The following ADCY2 variants were observed in gnomAD, a reference collection of about 807,000 sequenced individuals.
ADCY2 encodes adenylate cyclase type 2.
In ADCY2, 31 loss-of-function variants were observed where a neutral mutation model predicts 125.2. The observed-to-expected ratio is 0.25, with a 90% CI of 0.19 to 0.33. The LOEUF (loss-of-function observed/expected upper bound fraction) is 0.33, where lower values mean the gene tolerates loss of function less well. Among genes scored for constraint, ADCY2 ranks in the 10% least tolerant of loss-of-function variants. The pLI is 1.00. For synonymous variants in ADCY2, 512 were observed against 548.4 expected, an observed-to-expected ratio of 0.93 and a Z score of 0.93; for missense variants, 904 against 1,418.2, an observed-to-expected ratio of 0.64 and a Z score of 5.82.
chr5:7,780,567 C>G (rs1259338021), intron 18 of ADCY2, among the ~76,000 whole-genome samples: 1 of 152,154 alleles, frequency 6.6e-6, no homozygotes, highest in Non-Finnish European at 1.5e-5. Context: ...CCTCAGTGAT[C>G]AGTGAACCGA....
chr5:7,465,953 T>C (rs1166728128), intron 2 of ADCY2, among the ~76,000 whole-genome samples: 2 of 152,216 alleles, frequency 1.3e-5, no homozygotes, highest in African/African-American at 2.4e-5. Context: ...TTCATTGATA[T>C]GTCATTGGAG....
In ADCY2 at chr5:7,482,767, GAT is replaced by G. The variant is rs140354609; in HGVS notation, c.409-37947_409-37946del. Among the ~76,000 whole-genome samples the G allele has an allele frequency of 6.3e-3, 746 of 119,342 alleles. 6 individuals carry two copies. Among genetic ancestry groups the G allele is most frequent in the Admixed American group, 0.011 (117 of 10,622 alleles). 78.3% of individuals were successfully genotyped at this position (119,342 alleles called of 152,430 possible). A position where few individuals can be genotyped will look rare whatever the true frequency, so the allele number is the denominator to read the frequency against. ...GCTGATGAATGGATAAAGAAAATGT[GAT>G]ATATATATATATATATATATATACA... On this transcript the variant is annotated intron_variant, in intron 2 of 24. Transcript: ENST00000338316.
At chr5:7,432,530 C>G (rs1314522402) in intron 2 of ADCY2, among the ~76,000 whole-genome samples, 1 of 152,188 alleles carries the variant, frequency 6.6e-6, no homozygotes, top group South Asian at 2.1e-4. Flanking sequence ...CCTTCGTGCT[C>G]CATCCCACGA....
chr5:7,457,943 C>T (rs965842944), intron 2 of ADCY2, among the ~76,000 whole-genome samples: 1 of 152,104 alleles, frequency 6.6e-6, no homozygotes, highest in East Asian at 1.9e-4. Flanking sequence ...AAGTAGAATC[C>T]AGTACAAATA....
At chr5:7,550,306 A>G (rs1458552684) in intron 3 of ADCY2, among the ~76,000 whole-genome samples, 1 of 152,200 alleles carries the variant, frequency 6.6e-6, no homozygotes, top group Non-Finnish European at 1.5e-5. Context: ...ATTACTGAGA[A>G]AGTTAACCAT....
intron 2 of ADCY2, among the ~76,000 whole-genome samples, chr5:7,424,280 C>T (rs1740312208): frequency 1.3e-5 from 2 of 152,258 alleles, no homozygotes. Flanking sequence ...CATGTGGTTA[C>T]TTTGCATACA....
At chr5:7,665,453 GGCATCGAAA>G (rs1196002944) in intron 4 of ADCY2, among the ~76,000 whole-genome samples, 1 of 152,152 alleles carries the variant, frequency 6.6e-6, no homozygotes, top group Non-Finnish European at 1.5e-5. Context: ...CAGACACTGA[GGCATCGAAA>G]GCAGAAAGTA....
chr5:7,743,612 T>C, intron 14 of ADCY2, 56 bp from the exon 15 acceptor site: 1 of 1,525,584 alleles, frequency 6.6e-7, no homozygotes, highest in Non-Finnish European at 9.1e-7. Flanking sequence ...CTGGTAGCTT[T>C]CCAGAATGAG....
At chr5:7,585,883 C>T (rs578042015) in intron 3 of ADCY2, among the ~76,000 whole-genome samples, 10 of 152,202 alleles carry the variant, frequency 6.6e-5, no homozygotes, top group Non-Finnish European at 1.0e-4. Flanking sequence ...TTAACTTACT[C>T]GACAGCAGTC....
intron 4 of ADCY2, among the ~76,000 whole-genome samples, chr5:7,689,025 G>T (rs967422590): frequency 6.6e-6 from 1 of 152,204 alleles, no homozygotes; most frequent in Admixed American, 6.5e-5. Flanking sequence ...ATATAAAGAT[G>T]ATGAAAGCTA....
At chr5:7,660,194 AAAAG>A (rs558530851) in intron 4 of ADCY2, among the ~76,000 whole-genome samples, 2 of 148,120 alleles carry the variant, frequency 1.4e-5, no homozygotes, top group African/African-American at 2.5e-5. Flanking sequence ...ATAAAAGTGG[AAAAG>A]AAAGAAAGAA....
At chr5:7,517,911 A>G (rs912517538) in intron 2 of ADCY2, among the ~76,000 whole-genome samples, 1 of 152,222 alleles carries the variant, frequency 6.6e-6, no homozygotes, top group Admixed American at 6.5e-5. Flanking sequence ...TAATCATAAA[A>G]GAGAGGTTCT....
chr5:7,421,706 C>T (rs1224447967), intron 2 of ADCY2, among the ~76,000 whole-genome samples: 2 of 152,186 alleles, frequency 1.3e-5, no homozygotes, highest in African/African-American at 4.8e-5. Context: ...GAGTGCTGCT[C>T]TGAGGTTCAC....
intron 1 of ADCY2, among the ~76,000 whole-genome samples, chr5:7,405,066 T>C (rs1739423655): frequency 6.6e-6 from 1 of 152,182 alleles, no homozygotes; most frequent in Non-Finnish European, 1.5e-5. Context: ...ACTGTATTGA[T>C]TGAGGCACCG....
intron 2 of ADCY2, among the ~76,000 whole-genome samples, chr5:7,492,008 A>G (rs771597338): frequency 1.3e-4 from 20 of 152,208 alleles, no homozygotes; most frequent in Non-Finnish European, 4.4e-5. Flanking sequence ...GCCCTGAAAG[A>G]GCACAGGTGT....
intron 5 of ADCY2, among the ~76,000 whole-genome samples, chr5:7,693,501 C>T (rs1471783273): frequency 2.0e-5 from 3 of 149,536 alleles, no homozygotes; most frequent in African/African-American, 7.4e-5. Context: ...TCACTGCAAC[C>T]TCCGCCTGCC....
rs60609108 is a variant in ADCY2 at position 7,539,515 on chromosome 5, C to T, written c.570+18616C>T. On this transcript the variant is annotated intron_variant, in intron 3 of 24. Coordinates refer to ENST00000338316, the MANE Select transcript of ADCY2 (RefSeq NM_020546.3). ...ATTAGCCATAGTCAAGTCATGCATA[C>T]TGTACCAGATTCTGCATTTAGAACC... is the stretch of plus-strand genomic sequence containing the variant. 1.2e-3 allele frequency among the ~76,000 whole-genome samples: 183 copies of T among 152,314 alleles called. 3 individuals are homozygous for T. Among genetic ancestry groups the T allele is most frequent in the Middle Eastern group, 6.8e-3 (2 of 294 alleles).
At position 7,524,568 on chromosome 5, in the gene ADCY2, T is replaced by C. The variant is rs182547264; in HGVS notation, c.570+3669T>C. Reference sequence around the variant, plus strand: ...CCAGTCTCTTTGATCTTCTACAGGATGGAACAATTCTTTAGTGGTTCTTTG... The same window carrying C: ...CCAGTCTCTTTGATCTTCTACAGGACGGAACAATTCTTTAGTGGTTCTTTG... On this transcript the variant is annotated intron_variant, in intron 3 of 24. Transcript: ENST00000338316. Among the ~76,000 whole-genome samples, 104 of 152,356 alleles carry C rather than the reference T, an allele frequency of 6.8e-4. 1 individual carries two copies. Among genetic ancestry groups the C allele is most frequent in the African/African-American group, 2.4e-3 (98 of 41,588 alleles).
intron 4 of ADCY2, among the ~76,000 whole-genome samples, chr5:7,663,855 G>C (rs1014217688): frequency 1.7e-4 from 26 of 152,338 alleles, no homozygotes; most frequent in African/African-American, 6.0e-4. Flanking sequence ...CTCTTGGAAG[G>C]AGGTTTATGC....
Sources: allele counts gnomAD v4.1 joint callset (sites outside exome capture counted in the v4.1 genomes callset), GRCh38; gene constraint gnomAD v4.1.1; transcripts MANE v1.5; gene names NCBI Gene and HGNC (gene_info 2026-07-23, HGNC 2026-07-21).